The following NPAS3 variants were observed in gnomAD, a reference collection of about 807,000 sequenced individuals.
The protein encoded by NPAS3 is neuronal PAS domain protein 3.
NPAS3 carries 14 observed loss-of-function variants against 73.1 expected under a neutral mutation model. The observed-to-expected ratio is 0.19, with a 90% CI of 0.13 to 0.30. The LOEUF (loss-of-function observed/expected upper bound fraction) is 0.30, where lower values mean the gene tolerates loss of function less well. Among genes scored for constraint, NPAS3 ranks in the 10% least tolerant of loss-of-function variants. The pLI is 1.00. For missense variants in NPAS3, 1,096 were observed against 1,250.0 expected, an observed-to-expected ratio of 0.88 and a Z score of 1.86; for synonymous variants, 620 against 541.5, an observed-to-expected ratio of 1.14 and a Z score of -2.01.
chr14:33,759,305 A>G (rs1252996441), intron 7 of NPAS3, among the ~76,000 whole-genome samples: 1 of 152,188 alleles, frequency 6.6e-6, no homozygotes, highest in East Asian at 1.9e-4. Context: ...AGTGTTTTTG[A>G]AAGGGAAGCC....
chr14:33,083,295 T>A (rs983559503), intron 2 of NPAS3, among the ~76,000 whole-genome samples: 31 of 142,342 alleles, frequency 2.2e-4, no homozygotes, highest in Non-Finnish European at 3.8e-4. Flanking sequence ...AGGGTAGAGA[T>A]AATAAAATGT....
chr14:32,942,856 C>T (rs1247696043), intron 1 of NPAS3, among the ~76,000 whole-genome samples: 2 of 152,124 alleles, frequency 1.3e-5, no homozygotes, highest in Non-Finnish European at 2.9e-5. Context: ...CTTCATATCA[C>T]AAGGCCAAGG....
At chr14:33,478,986 A>G (rs528677299) in intron 4 of NPAS3, among the ~76,000 whole-genome samples, 28 of 152,296 alleles carry the variant, frequency 1.8e-4, no homozygotes, top group African/African-American at 6.5e-4. Flanking sequence ...CAGGGAAGGT[A>G]GAAACATCAC....
At chr14:33,308,677 G>A (rs1449086294) in intron 3 of NPAS3, among the ~76,000 whole-genome samples, 2 of 150,976 alleles carry the variant, frequency 1.3e-5, no homozygotes, top group Non-Finnish European at 2.9e-5. Flanking sequence ...TGTCACTTTT[G>A]GTTTAGAGGT....
At chr14:32,964,484 G>A (rs1471817020) in intron 1 of NPAS3, among the ~76,000 whole-genome samples, 2 of 151,984 alleles carry the variant, frequency 1.3e-5, no homozygotes, top group East Asian at 3.8e-4. Flanking sequence ...AGTTAAAAAA[G>A]TCCAGTGGTT....
chr14:33,187,083 C>G (rs2046003495), intron 2 of NPAS3, among the ~76,000 whole-genome samples: 1 of 152,208 alleles, frequency 6.6e-6, no homozygotes, highest in South Asian at 2.1e-4. Flanking sequence ...TTGAACTGGT[C>G]TTCCTCCACC....
intron 7 of NPAS3, among the ~76,000 whole-genome samples, chr14:33,752,069 T>C (rs2061979986): frequency 6.6e-6 from 1 of 152,324 alleles, no homozygotes; most frequent in South Asian, 2.1e-4. Flanking sequence ...ATTGAATGAT[T>C]ACTTTTTAAA....
At chr14:33,252,689 A>G (rs2048633347) in intron 3 of NPAS3, among the ~76,000 whole-genome samples, 1 of 151,532 alleles carries the variant, frequency 6.6e-6, no homozygotes, top group Non-Finnish European at 1.5e-5. Flanking sequence ...TGTTTGTTAC[A>G]TGGGTATATT....
At chr14:33,070,268 A>G (rs1300186750) in intron 2 of NPAS3, among the ~76,000 whole-genome samples, 1 of 151,996 alleles carries the variant, frequency 6.6e-6, no homozygotes, top group Admixed American at 6.6e-5. Flanking sequence ...GCTACCTAAT[A>G]TCTCCTTTCT....
chr14:33,558,072 T>C (rs1022629098), intron 4 of NPAS3, among the ~76,000 whole-genome samples: 3 of 152,236 alleles, frequency 2.0e-5, no homozygotes. Context: ...GAATGCTTAA[T>C]AAATGTAAGT....
intron 1 of NPAS3, among the ~76,000 whole-genome samples, chr14:32,952,409 TA>T (rs925506071): frequency 1.3e-5 from 2 of 152,126 alleles, no homozygotes; most frequent in African/African-American, 4.8e-5. Context: ...AATTCAGAGT[TA>T]GGGGTGAACT....
intron 5 of NPAS3, among the ~76,000 whole-genome samples, chr14:33,602,347 G>T (rs547846579): frequency 3.3e-4 from 51 of 152,348 alleles, no homozygotes; most frequent in African/African-American, 1.1e-3. Context: ...CAGGGCATTG[G>T]GTAGGGTATA....
intron 4 of NPAS3, among the ~76,000 whole-genome samples, chr14:33,440,642 C>G (rs1435458578): frequency 1.3e-5 from 2 of 152,158 alleles, no homozygotes; most frequent in Non-Finnish European, 2.9e-5. Flanking sequence ...CCTGTAATCC[C>G]AGCACTTTGG....
intron 3 of NPAS3, among the ~76,000 whole-genome samples, chr14:33,256,429 G>A (rs1042555488): frequency 2.0e-5 from 3 of 151,996 alleles, no homozygotes; most frequent in African/African-American, 7.3e-5. Context: ...ATAGTAATAG[G>A]ACCCAATTTA....
At chr14:33,173,736 G>C (rs556304900) in intron 2 of NPAS3, among the ~76,000 whole-genome samples, 249 of 152,232 alleles carry the variant, frequency 1.6e-3, no homozygotes, top group Non-Finnish European at 2.6e-3. Context: ...TGTACCTTTT[G>C]TGTCTTTTTG....
At chr14:33,480,538 C>T (rs1167541152) in intron 4 of NPAS3, among the ~76,000 whole-genome samples, 1,394 of 126,440 alleles carry the variant, frequency 0.011, 37 homozygotes, top group African/African-American at 0.037. Flanking sequence ...CCTCCCCGCC[C>T]CGCCCCCACC....
intron 1 of NPAS3, among the ~76,000 whole-genome samples, chr14:32,962,564 CTTTTCTT>C: frequency 8.2e-6 from 1 of 122,536 alleles, no homozygotes; most frequent in African/African-American, 3.2e-5. Flanking sequence ...TTTCTTTTTT[CTTTTCTT>C]TTTTTTTTTT....
At chr14:33,371,314 A>G (rs550487641) in intron 4 of NPAS3, among the ~76,000 whole-genome samples, 3 of 152,294 alleles carry the variant, frequency 2.0e-5, no homozygotes, top group East Asian at 1.9e-4. Flanking sequence ...ATAGGAGGTA[A>G]AGGAGAAGAA....
chr14:33,638,984 C>T (rs2058602671), intron 5 of NPAS3, among the ~76,000 whole-genome samples: 1 of 152,178 alleles, frequency 6.6e-6, no homozygotes, highest in Non-Finnish European at 1.5e-5. Flanking sequence ...AAAGGCACCG[C>T]ACCATTTAAC....
Sources: allele counts gnomAD v4.1 joint callset (sites outside exome capture counted in the v4.1 genomes callset), GRCh38; gene constraint gnomAD v4.1.1; transcripts MANE v1.5; gene names NCBI Gene and HGNC (gene_info 2026-07-23, HGNC 2026-07-21).